SETBP1: variants seen among roughly 807,000 people sequenced by gnomAD.
SETBP1 encodes the protein SET binding protein 1.
Under a neutral mutation model 101.0 loss-of-function variants are expected in SETBP1, and 9 were observed. The ratio of observed to expected loss-of-function variants is 0.09; its 90% CI spans 0.05 to 0.16. SETBP1 has a LOEUF of 0.16. Among genes scored for constraint, SETBP1 ranks in the 10% least tolerant of loss-of-function variants. SETBP1 has a pLI of 1.00. For synonymous variants in SETBP1, 818 were observed against 788.5 expected (o/e 1.04, Z -0.63); for missense variants, 1,858 against 2,033.8 (o/e 0.91, Z 1.66).
intron 2 of SETBP1, among the ~76,000 whole-genome samples, chr18:44,715,579 C>T (rs536526467): frequency 2.6e-5 from 4 of 152,238 alleles, no homozygotes; most frequent in East Asian, 3.9e-4. Flanking sequence ...TGTGTTTGCT[C>T]ATATTTAATA....
chr18:44,763,179 C>A (rs1171656322), intron 2 of SETBP1, among the ~76,000 whole-genome samples: 1 of 152,160 alleles, frequency 6.6e-6, no homozygotes, highest in Non-Finnish European at 1.5e-5. Context: ...AGTAAAACAT[C>A]ATTCCAGGTG....
intron 4 of SETBP1, among the ~76,000 whole-genome samples, chr18:44,994,240 C>A (rs1170733806): frequency 2.6e-5 from 4 of 152,084 alleles, no homozygotes; most frequent in African/African-American, 9.6e-5. Context: ...AAAAAAAGTT[C>A]AGTAATTTTC....
intron 5 of SETBP1, among the ~76,000 whole-genome samples, chr18:45,046,122 C>A (rs1159363119): frequency 6.6e-6 from 1 of 151,142 alleles, no homozygotes; most frequent in East Asian, 1.9e-4. Flanking sequence ...CCACCTGTGT[C>A]CCACAGTGGA....
chr18:44,755,443 C>T (rs1041463260), intron 2 of SETBP1, among the ~76,000 whole-genome samples: 1 of 151,972 alleles, frequency 6.6e-6, no homozygotes, highest in African/African-American at 2.4e-5. Flanking sequence ...CAGAGATACT[C>T]AGCTCCCTCT....
intron 2 of SETBP1, among the ~76,000 whole-genome samples, chr18:44,843,069 A>C (rs2072653586): frequency 6.6e-6 from 1 of 152,234 alleles, no homozygotes; most frequent in Admixed American, 6.5e-5. Context: ...TATGCCATGC[A>C]GGCCCTAGTA....
At chr18:44,755,469 C>T (rs1250114557) in intron 2 of SETBP1, among the ~76,000 whole-genome samples, 1 of 151,532 alleles carries the variant, frequency 6.6e-6, no homozygotes, top group African/African-American at 2.4e-5. Flanking sequence ...TCTCTCTTCG[C>T]AGTGGGACAC....
chr18:44,953,225 G>A lies in SETBP1; in HGVS notation c.3885G>A (p.Val1295=). Residue 1295 remains valine (V), a synonymous_variant, in exon 4 of 6, where the codon GTG becomes GTA. Coordinates refer to ENST00000649279, the MANE Select transcript of SETBP1 (RefSeq NM_015559.3). ...CGAATGACAAGTGGGACAGTGACGT[G>A]AGTGGGAGTAAAAGGAGGAGCTATG... ...NPSNDKWDSD[V]SGSKRRSYEG... The A allele has an allele frequency of 6.2e-7, 1 of 1,614,158 alleles. No individual in the cohort carries two copies. Among genetic ancestry groups the A allele is most frequent in the Non-Finnish European group, 8.5e-7 (1 of 1,180,030 alleles).
At chr18:44,702,195 C>G (rs993329996) in intron 2 of SETBP1, among the ~76,000 whole-genome samples, 4 of 152,098 alleles carry the variant, frequency 2.6e-5, no homozygotes, top group Admixed American at 2.0e-4. Flanking sequence ...AGTGCACCAT[C>G]ATAAAGGTCT....
intron 2 of SETBP1, among the ~76,000 whole-genome samples, chr18:44,822,938 G>A (rs1042449331): frequency 6.6e-6 from 1 of 152,202 alleles, no homozygotes; most frequent in Non-Finnish European, 1.5e-5. Flanking sequence ...AGGGTCAGGA[G>A]TTTGAGACCA....
chr18:44,830,403 A>G (rs1216258661), intron 2 of SETBP1, among the ~76,000 whole-genome samples: 2 of 152,240 alleles, frequency 1.3e-5, no homozygotes, highest in African/African-American at 2.4e-5. Context: ...GGACTGGCCT[A>G]GAAGATCTCA....
Position 44,951,838 on chromosome 18 carries a change from G to A in SETBP1, c.2498G>A (p.Arg833Lys). 6.2e-7 allele frequency: 1 copy of A among 1,614,056 alleles called. No individual in the cohort carries two copies. Among genetic ancestry groups the A allele is most frequent in the Non-Finnish European group, 8.5e-7 (1 of 1,180,022 alleles). Residue 833 changes from arginine to lysine, a missense_variant, in exon 4 of 6, where the codon AGA (arginine) becomes AAA (lysine). Around this residue, in one of 12 missense-constraint regions of SETBP1, gnomAD observed 121 missense variants for 138.0 expected, o/e 0.88. Coordinates refer to ENST00000649279, the MANE Select transcript of SETBP1 (RefSeq NM_015559.3). This position sits in a 1 kb window ranked among gnomAD's most constrained non-coding sequence, Gnocchi z 7.8. ...HSGTWKLSPP[R>K]LMANSPSHLC... ...GGAACCTGGAAGCTGTCTCCACCCA[G>A]ACTGATGGCCAACTCCCCTTCACAC... is the stretch of plus-strand genomic sequence containing the variant.
intron 2 of SETBP1, among the ~76,000 whole-genome samples, chr18:44,769,280 A>G (rs989663664): frequency 6.6e-6 from 1 of 152,156 alleles, no homozygotes; most frequent in African/African-American, 2.4e-5. Context: ...TGGTAGCTCA[A>G]CCTCGGGAAG....
At chr18:44,975,448 T>C (rs1490239414) in intron 4 of SETBP1, among the ~76,000 whole-genome samples, 2 of 152,142 alleles carry the variant, frequency 1.3e-5, no homozygotes, top group South Asian at 2.1e-4. Context: ...TTAATAAGTG[T>C]AGTAAGCATT....
intron 2 of SETBP1, among the ~76,000 whole-genome samples, chr18:44,722,031 C>T (rs1021451346): frequency 2.0e-5 from 3 of 151,812 alleles, no homozygotes; most frequent in Non-Finnish European, 2.9e-5. Context: ...AGGGCATCTG[C>T]GTGGACATGC....
intron 1 of SETBP1, among the ~76,000 whole-genome samples, chr18:44,695,482 C>T (rs1449241963): frequency 6.6e-6 from 1 of 152,214 alleles, no homozygotes; most frequent in Non-Finnish European, 1.5e-5. Flanking sequence ...CCTCTGTTTT[C>T]CCTTCATTAG....
intron 4 of SETBP1, among the ~76,000 whole-genome samples, chr18:44,973,081 C>T (rs997413580): frequency 1.3e-5 from 2 of 152,090 alleles, no homozygotes; most frequent in African/African-American, 4.8e-5. Flanking sequence ...GAGTTTTTAG[C>T]ATAAAGGGTA....
chr18:45,034,588 T>C (rs924970504), intron 4 of SETBP1, among the ~76,000 whole-genome samples: 3 of 152,204 alleles, frequency 2.0e-5, no homozygotes, highest in African/African-American at 7.2e-5. Context: ...ATGTTTTTCC[T>C]ATAGGTTTAA....
rs972701994 is a variant in SETBP1 at position 44,950,131 on chromosome 18, A to G, written c.791A>G (p.Gln264Arg). The G allele has an allele frequency of 5.0e-6, 8 of 1,613,906 alleles. No homozygotes were observed. Among genetic ancestry groups the G allele is most frequent in the Non-Finnish European group, 5.1e-6 (6 of 1,180,034 alleles). Reference protein sequence around the residue: ...LEPVASFAKAQGKKGSAGNTW... With the variant: ...LEPVASFAKARGKKGSAGNTW... ...CCCGTGGCTTCCTTTGCAAAGGCCC[A>G]GGGTAAGAAAGGCAGTGCAGGGAAC... The change falls in exon 4 of 6, where the codon CAG becomes CGG. Residue 264 changes from glutamine to arginine, a missense_variant. Physicochemically the swap from Gln to Arg is conservative, Grantham distance 43. Around this residue, in one of 12 missense-constraint regions of SETBP1, gnomAD observed 581 missense variants for 535.1 expected, o/e 1.09. Coordinates refer to ENST00000649279, the MANE Select transcript of SETBP1 (RefSeq NM_015559.3).
chr18:44,859,017 A>G (rs1012221456), intron 2 of SETBP1, among the ~76,000 whole-genome samples: 1 of 151,328 alleles, frequency 6.6e-6, no homozygotes, highest in Admixed American at 6.6e-5. Context: ...GAAGGAAAAA[A>G]GTGTGGGAGG....
Sources: gnomAD v4.1 joint callset for allele counts (sites outside exome capture counted in the v4.1 genomes callset) on GRCh38, gnomAD v4.1.1 for gene constraint, gnomAD v4.1.1 regional missense constraint, Gnocchi (gnomAD v3.1) non-coding constraint, MANE v1.5 for transcripts, NCBI Gene and HGNC (gene_info 2026-07-23, HGNC 2026-07-21) for gene names.